The following RGS7 variants were observed in gnomAD, a reference collection of about 807,000 sequenced individuals.
RGS7 encodes the protein regulator of G-protein signaling 7.
In RGS7, 27 loss-of-function variants were observed where a neutral mutation model predicts 81.1. That is an observed-to-expected ratio of 0.33 (90% CI 0.25 to 0.46). RGS7 has a LOEUF of 0.46. Among genes scored for constraint, RGS7 ranks in the 20% least tolerant of loss-of-function variants. The pLI, the probability that RGS7 is intolerant of heterozygous loss-of-function variation, is 1.00. For synonymous variants in RGS7, 208 were observed against 207.7 expected, an observed-to-expected ratio of 1.00 and a Z score of -0.01; for missense variants, 396 against 607.4, an observed-to-expected ratio of 0.65 and a Z score of 3.66.
At chr1:241,104,182 C>CCATCAT (rs763268211) in intron 2 of RGS7, among the ~76,000 whole-genome samples, 2 of 151,942 alleles carry the variant, frequency 1.3e-5, no homozygotes, top group African/African-American at 2.4e-5. Context: ...ACCACCAACA[C>CCATCAT]CATCATCATC....
At chr1:240,985,550 C>A (rs1003139224) in intron 3 of RGS7, among the ~76,000 whole-genome samples, 4 of 152,092 alleles carry the variant, frequency 2.6e-5, no homozygotes. Context: ...ATTTCTGTCA[C>A]AAGTGTATTC....
intron 5 of RGS7, among the ~76,000 whole-genome samples, chr1:240,933,488 A>G (rs1676055269): frequency 6.6e-6 from 1 of 152,026 alleles, no homozygotes; most frequent in Admixed American, 6.6e-5. Context: ...ATGCCACTAA[A>G]CCAATGTTCT....
chr1:241,327,413 T>C (rs1018537702), intron 2 of RGS7, among the ~76,000 whole-genome samples: 19 of 152,194 alleles, frequency 1.2e-4, no homozygotes, highest in African/African-American at 4.6e-4. Flanking sequence ...AGTAAAAACA[T>C]GTTATTATGG....
chr1:240,844,476 T>TC (rs1658696734), intron 9 of RGS7, among the ~76,000 whole-genome samples: 1 of 152,174 alleles, frequency 6.6e-6, no homozygotes, highest in South Asian at 2.1e-4. Flanking sequence ...GCTCATGATT[T>TC]TGAAAAGTCG....
intron 2 of RGS7, among the ~76,000 whole-genome samples, chr1:241,233,197 C>T (rs192841974): frequency 5.9e-5 from 9 of 152,256 alleles, no homozygotes; most frequent in East Asian, 3.9e-4. Context: ...CTTGGATATC[C>T]GTCACCTTAA....
chr1:241,110,319 G>T (rs1050336526), intron 2 of RGS7, among the ~76,000 whole-genome samples: 36 of 152,112 alleles, frequency 2.4e-4, no homozygotes, highest in Admixed American at 2.0e-3. Context: ...CAGATGAAAG[G>T]CTTCTCTTGG....
chr1:240,886,583 C>A (rs750900164), intron 6 of RGS7, among the ~76,000 whole-genome samples: 3 of 152,168 alleles, frequency 2.0e-5, no homozygotes, highest in Non-Finnish European at 4.4e-5. Context: ...CCACTCCTCA[C>A]CGCTCTCTCC....
At chr1:240,931,266 A>G (rs1033261660) in intron 5 of RGS7, among the ~76,000 whole-genome samples, 15 of 152,280 alleles carry the variant, frequency 9.9e-5, no homozygotes, top group African/African-American at 3.4e-4. Flanking sequence ...TAGTCATATA[A>G]TTCAGTTCTC....
intron 4 of RGS7, among the ~76,000 whole-genome samples, chr1:240,958,961 C>T (rs976714475): frequency 6.6e-5 from 10 of 152,232 alleles, no homozygotes; most frequent in African/African-American, 2.4e-4. Context: ...CAGGCAGGCA[C>T]GCTGCTTAAA....
At chr1:240,793,820 G>A (rs559956839) in intron 18 of RGS7, among the ~76,000 whole-genome samples, 270 of 151,522 alleles carry the variant, frequency 1.8e-3, no homozygotes, top group African/African-American at 6.2e-3. Flanking sequence ...CACCGTGTTA[G>A]CCAGGATGGT....
intron 4 of RGS7, among the ~76,000 whole-genome samples, chr1:240,952,667 C>T (rs553728781): frequency 6.6e-6 from 1 of 151,716 alleles, no homozygotes; most frequent in Non-Finnish European, 1.5e-5. Context: ...AAAATACATA[C>T]AAATATGTAA....
chr1:241,312,884 T>G (rs1451010525), intron 2 of RGS7, among the ~76,000 whole-genome samples: 1 of 152,016 alleles, frequency 6.6e-6, no homozygotes, highest in African/African-American at 2.4e-5. Flanking sequence ...GAAAAGTTAT[T>G]GAAGAAAATT....
intron 2 of RGS7, among the ~76,000 whole-genome samples, chr1:241,299,545 C>A (rs1324010276): frequency 6.6e-6 from 1 of 151,650 alleles, no homozygotes; most frequent in Non-Finnish European, 1.5e-5. Flanking sequence ...GCTATGGCAA[C>A]TAGATATTTC....
chr1:241,116,562 C>G (rs764318909), intron 2 of RGS7, among the ~76,000 whole-genome samples: 2 of 152,030 alleles, frequency 1.3e-5, no homozygotes, highest in Non-Finnish European at 2.9e-5. Flanking sequence ...TCCTATAAGA[C>G]TCCAAACTTA....
At chr1:241,352,102 C>T (rs778564605) in intron 2 of RGS7, among the ~76,000 whole-genome samples, 5 of 152,182 alleles carry the variant, frequency 3.3e-5, no homozygotes, top group South Asian at 4.1e-4. Flanking sequence ...TTGTTCTTTA[C>T]GGCCAGTGCT....
intron 2 of RGS7, among the ~76,000 whole-genome samples, chr1:241,149,249 C>G (rs561154257): frequency 3.3e-5 from 5 of 152,258 alleles, no homozygotes; most frequent in Non-Finnish European, 5.9e-5. Context: ...TCACTGCAAC[C>G]TCCACCTCTC....
In RGS7 at chr1:241,152,140, C is replaced by CAAAAAA. The variant is rs112950850; in HGVS notation, c.79-53384_79-53379dup. 1.3e-3 allele frequency among the ~76,000 whole-genome samples: 145 copies of CAAAAAA among 108,478 alleles called. 1 individual carries two copies. The highest frequency in any genetic ancestry group is 4.3e-3 in the African/African-American group (141 of 32,724). The allele number at this position is 108,478 out of a possible 152,430, so 71.2% of individuals were successfully genotyped here. A position where few individuals can be genotyped will look rare whatever the true frequency, so the allele number is the denominator to read the frequency against. Reference sequence around the variant, plus strand: ...CCAATAATTCCAGCTCATTAGCAGCCAAAAAAAAAAAAAAAGATCTTTGGG... The same window carrying CAAAAAA: ...CCAATAATTCCAGCTCATTAGCAGCCAAAAAAAAAAAAAAAAAAAAAGATCTTTGGG... On this transcript the variant is annotated intron_variant, in intron 2 of 18. Transcript: ENST00000440928.
chr1:241,285,662 A>G (rs1280535981), intron 2 of RGS7, among the ~76,000 whole-genome samples: 1 of 152,204 alleles, frequency 6.6e-6, no homozygotes, highest in Admixed American at 6.5e-5. Flanking sequence ...TTCAAACCCA[A>G]GAAGTCAGCC....
rs534051552 is a variant in RGS7, at chr1:241,329,637, T to A, written c.78+26062A>T. Among the ~76,000 whole-genome samples the A allele has an allele frequency of 1.1e-3, 161 of 152,280 alleles. 1 individual carries two copies. The highest frequency in any genetic ancestry group is 3.7e-3 in the African/African-American group (155 of 41,552). On this transcript the variant is annotated intron_variant, in intron 2 of 18. Transcript: ENST00000440928. The stretch of plus-strand genomic sequence containing the variant: ...CTTTAATGTTATTCCATAATGACCA[T>A]AAAGTGCCTAATTGTCAATAACCAC...
Sources: gnomAD v4.1 joint callset for allele counts (sites outside exome capture counted in the v4.1 genomes callset) on GRCh38, gnomAD v4.1.1 for gene constraint, MANE v1.5 for transcripts, NCBI Gene and HGNC (gene_info 2026-07-23, HGNC 2026-07-21) for gene names.